Variants in MCF2L2 observed in about 807,000 individuals in gnomAD.
MCF2L2 encodes MCF.2 cell line derived transforming sequence-like 2.
Under a neutral mutation model 150.2 loss-of-function variants are expected in MCF2L2, and 102 were observed. The ratio of observed to expected loss-of-function variants is 0.68; its 90% CI spans 0.58 to 0.80. MCF2L2 has a LOEUF of 0.80. Ranked by LOEUF, MCF2L2 falls within the 30% of genes least tolerant of loss-of-function variation. The probability of loss-of-function intolerance (pLI) is 0.00; values close to 1 mark genes in which losing one functional copy is unlikely to be tolerated. For missense variants in MCF2L2, 1,256 were observed against 1,372.8 expected (o/e 0.91, Z 1.34); for synonymous variants, 465 against 491.3 (o/e 0.95, Z 0.71).
intron 11 of MCF2L2, 56 bp from the exon 12 acceptor site, chr3:183,297,223 C>CGT: frequency 6.8e-7 from 1 of 1,464,400 alleles, no homozygotes; most frequent in East Asian, 2.3e-5. Context: ...TCAGAGCCAC[C>CGT]GTAATCCTCA....
chr3:183,231,197 GCA>G (rs1560356288), intron 15 of MCF2L2, 180 bp from the exon 16 acceptor site: 1 of 681,492 alleles, frequency 1.5e-6, no homozygotes, highest in Non-Finnish European at 2.7e-6. Flanking sequence ...TCTCACAAAC[GCA>G]CACTGTGATC....
intron 1 of MCF2L2, among the ~76,000 whole-genome samples, chr3:183,391,706 C>G (rs530817852): frequency 6.6e-6 from 1 of 152,220 alleles, no homozygotes; most frequent in South Asian, 2.1e-4. Context: ...AATTCTCTTG[C>G]TACGTTTCAA....
intron 1 of MCF2L2, among the ~76,000 whole-genome samples, chr3:183,426,582 G>T (rs1716177250): frequency 6.6e-6 from 1 of 152,228 alleles, no homozygotes; most frequent in East Asian, 1.9e-4. Context: ...AAATCCAGAC[G>T]GTCACACCCC....
In MCF2L2 at chr3:183,303,194, C is replaced by CAAAAAAAAAAAAAAA. The variant is rs56742154; in HGVS notation, c.1114-2999_1114-2998insTTTTTTTTTTTTTTT. Among the ~76,000 whole-genome samples, 41 of 123,922 alleles carry CAAAAAAAAAAAAAAA rather than the reference C, an allele frequency of 3.3e-4. 1 individual carries two copies. The highest frequency in any genetic ancestry group is 1.0e-3 in the African/African-American group (33 of 31,514). 81.3% of individuals were successfully genotyped at this position (123,922 alleles called of 152,430 possible). A position where few individuals can be genotyped will look rare whatever the true frequency, so the allele number is the denominator to read the frequency against. On this transcript the variant is annotated intron_variant, in intron 10 of 29. Coordinates refer to ENST00000328913, the MANE Select transcript of MCF2L2 (RefSeq NM_015078.4). ...GGGCAACAGAATGAGACTCTGTCTC[C>CAAAAAAAAAAAAAAA]AAAAAAAAAAAAGAATTCCTCCCTC...
chr3:183,201,533 C>T (rs1370841515), intron 25 of MCF2L2, among the ~76,000 whole-genome samples: 14 of 152,140 alleles, frequency 9.2e-5, no homozygotes, highest in African/African-American at 1.2e-4. Flanking sequence ...TGGGCTGAGA[C>T]GATGGGGTTT....
At chr3:183,391,684 G>A (rs2108600586) in intron 1 of MCF2L2, among the ~76,000 whole-genome samples, 1 of 151,954 alleles carries the variant, frequency 6.6e-6, no homozygotes, top group East Asian at 1.9e-4. Flanking sequence ...GGTCCACAGG[G>A]GTTTGTTACA....
intron 27 of MCF2L2, among the ~76,000 whole-genome samples, chr3:183,187,589 C>T (rs936945399): frequency 3.9e-5 from 6 of 152,292 alleles, no homozygotes; most frequent in African/African-American, 1.4e-4. Context: ...CTGCCTCAGC[C>T]TCCCGAGTAG....
In MCF2L2 at chr3:183,300,079, C is replaced by A; in HGVS notation, c.1231G>T (p.Asp411Tyr). ...RCVELRHLCD[D>Y]FINGNKKKWD... ...TTTTTCTTGTTTCCATTGATGAAAT[C>A]GTCACAGAGGTGCCTGAGCTCCACA... The change falls in exon 11 of 30, where the codon GAT becomes TAT. Residue 411 changes from aspartate (D) to tyrosine (Y), a missense_variant. Physicochemically the swap from Asp to Tyr is radical, Grantham distance 160. Coordinates refer to ENST00000328913, the MANE Select transcript of MCF2L2 (RefSeq NM_015078.4). The A allele has an allele frequency of 6.2e-7, 1 of 1,613,544 alleles. No homozygotes were observed. Among genetic ancestry groups the A allele is most frequent in the Non-Finnish European group, 8.5e-7 (1 of 1,179,858 alleles).
chr3:183,375,303 C>T (rs1347612934), intron 3 of MCF2L2: 4 of 152,162 alleles, frequency 2.6e-5, no homozygotes, highest in African/African-American at 9.7e-5. Flanking sequence ...TTCTAATAAG[C>T]TTGCTTCTTT....
chr3:183,194,365 G>T (rs1722011599), intron 26 of MCF2L2, among the ~76,000 whole-genome samples: 1 of 152,168 alleles, frequency 6.6e-6, no homozygotes, highest in African/African-American at 2.4e-5. Context: ...AATAGATGAG[G>T]CAAGGAGCAC....
intron 21 of MCF2L2, among the ~76,000 whole-genome samples, chr3:183,218,382 T>C (rs2108658788): frequency 6.6e-6 from 1 of 152,288 alleles, no homozygotes; most frequent in East Asian, 1.9e-4. Context: ...ACGCCTGTAA[T>C]CCCAGCACTT....
intron 15 of MCF2L2, among the ~76,000 whole-genome samples, chr3:183,246,615 C>T (rs1576955931): frequency 6.6e-6 from 1 of 152,066 alleles, no homozygotes; most frequent in Non-Finnish European, 1.5e-5. Flanking sequence ...TTGTTTTCAC[C>T]TTTTGGCTAT....
At chr3:183,318,021 A>G in intron 7 of MCF2L2, 47 bp downstream of exon 7, 1 of 1,599,772 alleles carries the variant, frequency 6.3e-7, no homozygotes, top group South Asian at 1.1e-5. Flanking sequence ...AGGCAGGCAT[A>G]CCTGCTGGCA....
chr3:183,224,159 T>C lies in MCF2L2; in HGVS notation c.2147A>G (p.His716Arg), dbSNP rs762560764. 5 of 1,613,796 alleles carry C rather than the reference T, an allele frequency of 3.1e-6. No homozygotes were observed. The highest frequency in any genetic ancestry group is 1.1e-5 in the South Asian group (1 of 91,068). The change falls in exon 19 of 30, where the codon CAT becomes CGT. Residue 716 changes from histidine (H) to arginine (R), a missense_variant. By Grantham distance (29) the His-to-Arg change is conservative. Transcript: ENST00000328913. ...TGCCCTAGCTCGGGGCAGATTCTTA[T>C]GGTATTTAAAATATATCTGAAGATC... ...KEDLQIYFKY[H>R]KNLPRARAIW...
intron 7 of MCF2L2, among the ~76,000 whole-genome samples, chr3:183,312,042 ATTG>A (rs1403818087): frequency 6.6e-6 from 1 of 152,206 alleles, no homozygotes; most frequent in East Asian, 1.9e-4. Flanking sequence ...ATCTCAAGCT[ATTG>A]TTGTAAATTA....
At chr3:183,255,411 A>G (rs1309777780) in intron 15 of MCF2L2, among the ~76,000 whole-genome samples, 1 of 152,244 alleles carries the variant, frequency 6.6e-6, no homozygotes, top group Non-Finnish European at 1.5e-5. Context: ...GCTAAACGCA[A>G]TACCAGAAAG....
intron 6 of MCF2L2, among the ~76,000 whole-genome samples, chr3:183,320,114 A>G (rs1186274529): frequency 7.4e-6 from 1 of 135,914 alleles, no homozygotes; most frequent in Non-Finnish European, 1.6e-5. Context: ...TTTTTTTGAG[A>G]CAAATTTTGC....
intron 23 of MCF2L2, among the ~76,000 whole-genome samples, chr3:183,206,935 AAGGAAGGAAGG>A (rs1722500471): frequency 1.3e-5 from 1 of 77,192 alleles, no homozygotes; most frequent in African/African-American, 5.1e-5. Flanking sequence ...GGAAGGAAGG[AAGGAAGGAAGG>A]AAGGAAGGAA....
At chr3:183,347,340 A>G (rs567949448) in intron 3 of MCF2L2, among the ~76,000 whole-genome samples, 1 of 152,338 alleles carries the variant, frequency 6.6e-6, no homozygotes, top group East Asian at 1.9e-4. Flanking sequence ...TGTTGGGAAA[A>G]CTAGCTAGCC....
Sources: gnomAD v4.1 joint callset for allele counts (sites outside exome capture counted in the v4.1 genomes callset) on GRCh38, gnomAD v4.1.1 for gene constraint, MANE v1.5 for transcripts, NCBI Gene and HGNC (gene_info 2026-07-23, HGNC 2026-07-21) for gene names.